ANOS1: variants seen among roughly 807,000 people sequenced by gnomAD.
ANOS1 encodes the protein anosmin-1.
In ANOS1, 6 loss-of-function variants were observed where a neutral mutation model predicts 59.0. The observed-to-expected ratio is 0.10, with a 90% CI of 0.06 to 0.20. ANOS1 has a LOEUF of 0.20. Ranked by LOEUF, ANOS1 falls within the 10% of genes least tolerant of loss-of-function variation. The pLI is 1.00. For missense variants in ANOS1, 433 were observed against 542.3 expected (o/e 0.80, Z 2.00); for synonymous variants, 217 against 223.4 (o/e 0.97, Z 0.25).
chrX:8,673,177 C>T (rs961090779), intron 2 of ANOS1, among the ~76,000 whole-genome samples: 1 of 110,641 alleles, frequency 9.0e-6, no homozygotes, highest in African/African-American at 3.3e-5. Flanking sequence ...TAATGTGTCA[C>T]CATAAATTTA....
At chrX:8,668,122 T>C (rs6640209) in intron 2 of ANOS1, among the ~76,000 whole-genome samples, 6,718 of 107,784 alleles carry the variant, frequency 0.062, 548 homozygotes, top group African/African-American at 0.22. Flanking sequence ...GAGATTTTGG[T>C]GCACCCATCA....
intron 13 of ANOS1, among the ~76,000 whole-genome samples, chrX:8,533,498 T>C (rs959471007): frequency 8.9e-6 from 1 of 112,352 alleles, no homozygotes; most frequent in African/African-American, 3.2e-5. Flanking sequence ...TACCAAGTTA[T>C]CAATTATAAG....
chrX:8,659,778 G>A lies in ANOS1; in HGVS notation c.256-36108C>T, dbSNP rs548823226. ...CGAGTAGCTGGGACTACAAGTGTGC[G>A]TCACCACACCCAGCTGATTTTTGTA... On this transcript the variant is annotated intron_variant, in intron 2 of 13. Transcript: ENST00000262648. 2.3e-3 allele frequency among the ~76,000 whole-genome samples: 253 copies of A among 109,341 alleles called. 1 individual carries two copies. The highest frequency in any genetic ancestry group is 7.9e-3 in the African/African-American group (236 of 30,053). The allele number at this position is 109,341 out of a possible 115,157, so 94.9% of individuals were successfully genotyped here.
intron 2 of ANOS1, among the ~76,000 whole-genome samples, chrX:8,654,708 C>T (rs1157447725): frequency 8.9e-6 from 1 of 112,148 alleles, no homozygotes; most frequent in Non-Finnish European, 1.9e-5. Flanking sequence ...CTGTTCACTG[C>T]TCTAGAATAG....
chrX:8,547,298 C>G (rs1053627485), intron 9 of ANOS1, among the ~76,000 whole-genome samples: 1 of 111,789 alleles, frequency 8.9e-6, no homozygotes, highest in Non-Finnish European at 1.9e-5. Flanking sequence ...CTCACACAGT[C>G]ACTTCCTCAA....
chrX:8,689,650 G>T (rs765206948), intron 2 of ANOS1, among the ~76,000 whole-genome samples: 1 of 110,409 alleles, frequency 9.1e-6, no homozygotes, highest in Admixed American at 9.8e-5. Context: ...CAAGGATCCA[G>T]TGAGCCGAGA....
chrX:8,652,761 T>C (rs1931869038), intron 2 of ANOS1, among the ~76,000 whole-genome samples: 1 of 111,988 alleles, frequency 8.9e-6, no homozygotes. Context: ...TCATCAATTC[T>C]ACAGGGTCCA....
intron 3 of ANOS1, among the ~76,000 whole-genome samples, chrX:8,619,070 C>CAAAAAAAAAAAAAAAAAAAAAAAAAAAA (rs1164164251): frequency 6.8e-5 from 3 of 43,976 alleles, no homozygotes; most frequent in Non-Finnish European, 1.2e-4. Context: ...AAACCTCTCT[C>CAAAAAAAAAAAAAAAAAAAAAAAAAAAA]AAAAAAAAAA....
chrX:8,569,446 T>C (rs1176694553), intron 7 of ANOS1, among the ~76,000 whole-genome samples: 1 of 111,867 alleles, frequency 8.9e-6, no homozygotes, highest in Non-Finnish European at 1.9e-5. Flanking sequence ...ATAGAGATCA[T>C]CCTGGCTAAC....
intron 8 of ANOS1, among the ~76,000 whole-genome samples, chrX:8,556,796 T>C (rs1180686388): frequency 8.9e-5 from 10 of 112,038 alleles, no homozygotes; most frequent in Non-Finnish European, 3.8e-5. Flanking sequence ...CAAGCTACCA[T>C]TGACTTTCTT....
chrX:8,534,451 C>T lies in ANOS1; in HGVS notation c.1852G>A (p.Val618Ile), dbSNP rs141134357. 9.9e-6 allele frequency: 12 copies of T among 1,207,643 alleles called. No individual in the cohort carries two copies. The African/African-American group carries it at 2.1e-4, about 21-fold the overall frequency. ...QSQILPSDHY[V>I]LTVPNLRPST... The stretch of plus-strand genomic sequence containing the variant: ...GGTCTCAGATTGGGCACTGTTAGGA[C>T]ATAATGATCCTAAGGGGACAACATA... The change falls in exon 13 of 14, where the codon GTC (valine) becomes ATC (isoleucine). Residue 618 changes from valine to isoleucine, a missense_variant. Val to Ile is a conservative substitution (Grantham distance 29). Transcript: ENST00000262648.
chrX:8,561,984 G>A (rs1319369899), intron 8 of ANOS1, among the ~76,000 whole-genome samples: 1 of 110,457 alleles, frequency 9.1e-6, no homozygotes, highest in African/African-American at 3.3e-5. Context: ...CGCCCAAGCT[G>A]TAGTGGAGTG....
chrX:8,614,570 T>A (rs1004665715), intron 3 of ANOS1, among the ~76,000 whole-genome samples: 1 of 111,784 alleles, frequency 8.9e-6, no homozygotes, highest in Non-Finnish European at 1.9e-5. Context: ...TGTCTCCTTG[T>A]CTTCCTCTTT....
At chrX:8,550,914 A>G (rs1929845962) in intron 9 of ANOS1, among the ~76,000 whole-genome samples, 1 of 111,770 alleles carries the variant, frequency 8.9e-6, no homozygotes, top group Admixed American at 9.5e-5. Flanking sequence ...TAATCCCCAC[A>G]TGTCATGGGA....
At chrX:8,592,910 G>A (rs1930646409) in intron 4 of ANOS1, among the ~76,000 whole-genome samples, 2 of 111,287 alleles carry the variant, frequency 1.8e-5, no homozygotes, top group South Asian at 7.5e-4. Flanking sequence ...CATCAGTTAA[G>A]TGCAGTTCTT....
intron 2 of ANOS1, among the ~76,000 whole-genome samples, chrX:8,671,140 T>G (rs1219156027): frequency 8.9e-6 from 1 of 111,733 alleles, no homozygotes; most frequent in African/African-American, 3.3e-5. Context: ...CTCTCTGGCT[T>G]CCATCACTGC....
chrX:8,730,347 C>T (rs1932961119), intron 1 of ANOS1, among the ~76,000 whole-genome samples: 1 of 112,133 alleles, frequency 8.9e-6, no homozygotes, highest in Admixed American at 9.3e-5. Flanking sequence ...GAGGTGAGCA[C>T]TGGGTCTTCC....
At chrX:8,688,622 T>C (rs1359373898) in intron 2 of ANOS1, among the ~76,000 whole-genome samples, 11 of 112,545 alleles carry the variant, frequency 9.8e-5, no homozygotes, top group African/African-American at 3.6e-4. Flanking sequence ...CCGCATGTTT[T>C]TCCTTTGAAG....
intron 6 of ANOS1, among the ~76,000 whole-genome samples, chrX:8,584,720 T>C (rs1295412641): frequency 8.9e-6 from 1 of 112,125 alleles, no homozygotes; most frequent in African/African-American, 3.2e-5. Flanking sequence ...CGTCACAGAT[T>C]AACCACAAAT....
Sources: gnomAD v4.1 joint callset for allele counts (sites outside exome capture counted in the v4.1 genomes callset) on GRCh38, gnomAD v4.1.1 for gene constraint, MANE v1.5 for transcripts, NCBI Gene and HGNC (gene_info 2026-07-23, HGNC 2026-07-21) for gene names.